FTCDNL1: variants seen among roughly 807,000 people sequenced by gnomAD.
FTCDNL1 encodes the protein formiminotransferase cyclodeaminase N-terminal like, also known as formiminotransferase N-terminal subdomain-containing protein.
In FTCDNL1, 11 loss-of-function variants were observed where a neutral mutation model predicts 5.9. The ratio of observed to expected loss-of-function variants is 1.87; its 90% CI spans 1.18 to 3.10. FTCDNL1 has a LOEUF of 3.10. Among genes scored for constraint, FTCDNL1 ranks in the 30% most tolerant of loss-of-function variants. The pLI, the probability that FTCDNL1 is intolerant of heterozygous loss-of-function variation, is 0.00. For missense variants in FTCDNL1, 115 were observed against 65.5 expected, an observed-to-expected ratio of 1.76 and a Z score of -2.61; for synonymous variants, 58 against 24.8, an observed-to-expected ratio of 2.34 and a Z score of -3.99.
At chr2:199,806,751 C>T (rs1700745078), downstream of FTCDNL1, among the ~76,000 whole-genome samples, 1 of 152,148 alleles carries the variant, frequency 6.6e-6, no homozygotes, top group African/African-American at 2.4e-5. Context: ...AATGACAACT[C>T]CCCCTCTCCC....
chr2:199,669,020 C>T, the FTCDNL1 span, among the ~76,000 whole-genome samples: 2 of 151,982 alleles, frequency 1.3e-5, no homozygotes, highest in African/African-American at 2.4e-5. Flanking sequence ...TAGTCTAGTA[C>T]GTAATAATTC....
At chr2:199,728,781 G>C in the FTCDNL1 span, among the ~76,000 whole-genome samples, 1 of 152,168 alleles carries the variant, frequency 6.6e-6, no homozygotes, top group Admixed American at 6.5e-5. Context: ...CAAGTCATTT[G>C]CTTCCTTAAA....
chr2:199,703,361 C>G, the FTCDNL1 span, among the ~76,000 whole-genome samples: 1 of 152,018 alleles, frequency 6.6e-6, no homozygotes, highest in East Asian at 1.9e-4. Context: ...CTGAGATGTG[C>G]TGCAAGTAAC....
At chr2:199,711,807 TC>T in the FTCDNL1 span, among the ~76,000 whole-genome samples, 3 of 152,212 alleles carry the variant, frequency 2.0e-5, no homozygotes, top group African/African-American at 7.2e-5. Context: ...GGCTTCCAAT[TC>T]CTGGGTTTCC....
At chr2:199,783,286 T>C (rs769951079) in intron 3 of FTCDNL1, among the ~76,000 whole-genome samples, 2 of 152,256 alleles carry the variant, frequency 1.3e-5, no homozygotes, top group Non-Finnish European at 2.9e-5. Flanking sequence ...TCTGGCCCTA[T>C]GTAGAATATC....
At chr2:199,753,690 T>C in the FTCDNL1 span, among the ~76,000 whole-genome samples, 1 of 152,166 alleles carries the variant, frequency 6.6e-6, no homozygotes, top group Admixed American at 6.5e-5. Flanking sequence ...TTCGGTTTGT[T>C]GCCTCTCAAG....
the FTCDNL1 span, among the ~76,000 whole-genome samples, chr2:199,679,799 T>G: frequency 6.6e-6 from 1 of 152,138 alleles, no homozygotes; most frequent in Non-Finnish European, 1.5e-5. Flanking sequence ...ATTTGATATG[T>G]GGTCTTCATT....
At chr2:199,750,589 G>A in the FTCDNL1 span, among the ~76,000 whole-genome samples, 1 of 152,176 alleles carries the variant, frequency 6.6e-6, no homozygotes, top group South Asian at 2.1e-4. Flanking sequence ...TTGATGCTCT[G>A]CAGCTTTGAG....
rs376893695 is a variant in FTCDNL1 at position 199,809,443 on chromosome 2, AAAG to A, written c.*3259_*3261del. 8.3e-3 allele frequency among the ~76,000 whole-genome samples: 1,267 copies of A among 152,228 alleles called. 17 individuals carry two copies. Among genetic ancestry groups the A allele is most frequent in the African/African-American group, 0.028 (1,175 of 41,538 alleles). On this transcript the variant is annotated 3_prime_UTR_variant, in exon 5 of 5. Transcript: ENST00000420128. ...TAAATTCACATTTTGCGCTCTTATT[AAAG>A]AAGATCACAGTCTTTCTTGCTAAAC...
At chr2:199,822,426 G>T (rs1193540794) in intron 3 of FTCDNL1, among the ~76,000 whole-genome samples, 2 of 151,976 alleles carry the variant, frequency 1.3e-5, no homozygotes, top group Non-Finnish European at 2.9e-5. Flanking sequence ...AAACTTTTTT[G>T]CTAAAAAATG....
At chr2:199,795,818 C>T (rs927280613) in intron 3 of FTCDNL1, among the ~76,000 whole-genome samples, 12 of 152,044 alleles carry the variant, frequency 7.9e-5, no homozygotes, top group Admixed American at 7.2e-4. Context: ...TCTTTCTGAT[C>T]TGTCAATGTA....
At chr2:199,780,239 G>C (rs1699298040) in intron 3 of FTCDNL1, among the ~76,000 whole-genome samples, 1 of 152,168 alleles carries the variant, frequency 6.6e-6, no homozygotes, top group South Asian at 2.1e-4. Context: ...GCAGGGGGCT[G>C]CTGGGCCCTT....
intron 3 of FTCDNL1, among the ~76,000 whole-genome samples, chr2:199,800,571 C>T (rs1415067827): frequency 6.6e-6 from 1 of 152,164 alleles, no homozygotes; most frequent in African/African-American, 2.4e-5. Context: ...AGAAAAATAA[C>T]ATATACTTAT....
chr2:199,774,112 C>T (rs1489729793), intron 3 of FTCDNL1, among the ~76,000 whole-genome samples: 1 of 152,198 alleles, frequency 6.6e-6, no homozygotes, highest in Non-Finnish European at 1.5e-5. Flanking sequence ...TCCTTTTCTA[C>T]CATCTTCTAC....
chr2:199,733,985 G>A, the FTCDNL1 span, among the ~76,000 whole-genome samples: 1 of 151,384 alleles, frequency 6.6e-6, no homozygotes, highest in Non-Finnish European at 1.5e-5. Flanking sequence ...TAGTTTGAGA[G>A]GTGCCATTGG....
chr2:199,707,383 A>G, the FTCDNL1 span, among the ~76,000 whole-genome samples: 2 of 151,990 alleles, frequency 1.3e-5, no homozygotes, highest in Non-Finnish European at 2.9e-5. Flanking sequence ...ATTTTCTATT[A>G]CTTCTTGAAT....
At chr2:199,712,299 C>A in the FTCDNL1 span, among the ~76,000 whole-genome samples, 1 of 152,158 alleles carries the variant, frequency 6.6e-6, no homozygotes, top group Non-Finnish European at 1.5e-5. Flanking sequence ...CTAACTTGCT[C>A]CTGCTGTCAC....
downstream of FTCDNL1, among the ~76,000 whole-genome samples, chr2:199,805,049 T>C (rs557059877): frequency 7.3e-5 from 11 of 151,410 alleles, no homozygotes; most frequent in South Asian, 2.3e-3. Context: ...TTCTGAGGAG[T>C]GCAACAAGGC....
At chr2:199,694,792 C>T in the FTCDNL1 span, among the ~76,000 whole-genome samples, 1 of 152,118 alleles carries the variant, frequency 6.6e-6, no homozygotes, top group Non-Finnish European at 1.5e-5. Flanking sequence ...TGTGATTGCA[C>T]CACTACACTC....
Sources: allele counts gnomAD v4.1 joint callset (sites outside exome capture counted in the v4.1 genomes callset), GRCh38; gene constraint gnomAD v4.1.1; transcripts MANE v1.5; gene names NCBI Gene and HGNC (gene_info 2026-07-23, HGNC 2026-07-21).